XIRP2: variants seen among roughly 807,000 people sequenced by gnomAD.
XIRP2 encodes the protein xin actin binding repeat containing 2.
In XIRP2, 236 loss-of-function variants were observed where a neutral mutation model predicts 277.0. The observed-to-expected ratio is 0.85, with a 90% CI of 0.77 to 0.95. The LOEUF (loss-of-function observed/expected upper bound fraction) is 0.95. XIRP2 is among the 40% of genes least tolerant of loss of function. The pLI, the probability that XIRP2 is intolerant of heterozygous loss-of-function variation, is 0.00. For synonymous variants in XIRP2, 1,490 were observed against 1,416.5 expected (o/e 1.05, Z -1.17); for missense variants, 4,640 against 4,157.5 (o/e 1.12, Z -3.19).
intron 2 of XIRP2, among the ~76,000 whole-genome samples, chr2:167,052,958 T>C (rs1379820023): frequency 6.6e-6 from 1 of 152,192 alleles, no homozygotes; most frequent in African/African-American, 2.4e-5. Context: ...CACTTTCTGT[T>C]GGTAATGCCT....
intron 2 of XIRP2, among the ~76,000 whole-genome samples, chr2:167,049,523 T>C (rs935629312): frequency 2.6e-5 from 4 of 151,536 alleles, no homozygotes; most frequent in African/African-American, 9.7e-5. Context: ...AAAAAAAACA[T>C]AATTAAGAAA....
chr2:167,115,343 C>T (rs552728737), intron 2 of XIRP2, among the ~76,000 whole-genome samples: 1 of 152,194 alleles, frequency 6.6e-6, no homozygotes, highest in South Asian at 2.1e-4. Context: ...TATCCATATT[C>T]TGAATTCTAT....
intron 3 of XIRP2, among the ~76,000 whole-genome samples, chr2:167,167,262 AG>A (rs1419794801): frequency 2.6e-5 from 4 of 152,090 alleles, no homozygotes; most frequent in Non-Finnish European, 5.9e-5. Context: ...ACATATAGTC[AG>A]GTCTTATTTT....
In XIRP2 at chr2:167,036,086, G is replaced by T. The variant is rs576595368; in HGVS notation, c.409-99823G>T. On this transcript the variant is annotated intron_variant, in intron 2 of 10. Coordinates refer to ENST00000409195, the MANE Select transcript of XIRP2 (RefSeq NM_152381.6). ...GAAGCACCTGGATGCTCAGGCAAAA[G>T]TTTGCTGCAGAGGCAGCGCCCTCAT... Among the ~76,000 whole-genome samples, 487 of 152,338 alleles carry T rather than the reference G, an allele frequency of 3.2e-3. 4 individuals are homozygous for T. The highest frequency in any genetic ancestry group is 0.011 in the African/African-American group (461 of 41,582).
chr2:167,052,587 C>T (rs1688942457), intron 2 of XIRP2, among the ~76,000 whole-genome samples: 2 of 152,152 alleles, frequency 1.3e-5, no homozygotes, highest in African/African-American at 4.8e-5. Context: ...CATCGATCTA[C>T]ATAACAGTAC....
In XIRP2 at chr2:167,246,041, A is replaced by G. The variant is rs1362098162; in HGVS notation, c.4649A>G (p.Lys1550Arg). The G allele has an allele frequency of 6.2e-7, 1 of 1,613,518 alleles. No homozygotes were observed. The highest frequency in any genetic ancestry group is 2.2e-5 in the East Asian group (1 of 44,836). ...GTAGAAAAGATAGAAATTATTGGCA[A>G]GAGCATTAAAGAAACCTTAGAAGAT... The part of the protein sequence containing the change: ...TRVEKIEIIG[K>R]SIKETLEDLY... The change falls in exon 9 of 11, where the codon AAG (lysine) becomes AGG (arginine). Residue 1550 changes from lysine (K) to arginine (R), a missense_variant. Physicochemically the swap from Lys to Arg is conservative, Grantham distance 26. Transcript: ENST00000409195.
chr2:167,084,284 A>G (rs1380413589), intron 2 of XIRP2, among the ~76,000 whole-genome samples: 1 of 152,196 alleles, frequency 6.6e-6, no homozygotes, highest in Non-Finnish European at 1.5e-5. Flanking sequence ...CATCCTAGGG[A>G]TGAAGCCCAC....
intron 2 of XIRP2, among the ~76,000 whole-genome samples, chr2:167,060,193 AC>A (rs139067097): frequency 0.036 from 5,470 of 152,266 alleles, 187 homozygotes; most frequent in African/African-American, 0.088. Flanking sequence ...CAAAATGATA[AC>A]GGGGGAAAAA....
At chr2:166,910,938 A>C (rs1223578496) in intron 2 of XIRP2, among the ~76,000 whole-genome samples, 3 of 152,166 alleles carry the variant, frequency 2.0e-5, no homozygotes, top group Non-Finnish European at 4.4e-5. Context: ...TGAGTTTCTT[A>C]ATCCTGAGCT....
intron 2 of XIRP2, among the ~76,000 whole-genome samples, chr2:167,086,936 G>C (rs148923534): frequency 0.075 from 11,434 of 152,198 alleles, 500 homozygotes; most frequent in South Asian, 0.17. Flanking sequence ...GCCTTCTTCT[G>C]TCAGCTGGCC....
At chr2:166,955,342 C>T (rs1446259083) in intron 2 of XIRP2, among the ~76,000 whole-genome samples, 1 of 151,678 alleles carries the variant, frequency 6.6e-6, no homozygotes, top group African/African-American at 2.4e-5. Flanking sequence ...ATTCCATTTA[C>T]ATAAAATGTC....
chr2:166,893,408 T>C (rs1320309901), intron 1 of XIRP2, among the ~76,000 whole-genome samples: 3 of 152,150 alleles, frequency 2.0e-5, no homozygotes, highest in Non-Finnish European at 2.9e-5. Flanking sequence ...CATATGCATA[T>C]ATTTTGAAGT....
intron 3 of XIRP2, among the ~76,000 whole-genome samples, chr2:167,155,781 G>C (rs10930263): frequency 0.012 from 1,870 of 151,128 alleles, 34 homozygotes; most frequent in South Asian, 0.061. Flanking sequence ...AAAGGGTATT[G>C]AATTAGGAAA....
chr2:167,160,151 T>C (rs915784331), intron 3 of XIRP2, among the ~76,000 whole-genome samples: 2 of 152,202 alleles, frequency 1.3e-5, no homozygotes, highest in Non-Finnish European at 2.9e-5. Flanking sequence ...AAGAAATAAC[T>C]ATGTGTCTCC....
chr2:166,925,419 T>G (rs1383303649), intron 2 of XIRP2, among the ~76,000 whole-genome samples: 1 of 151,750 alleles, frequency 6.6e-6, no homozygotes, highest in Non-Finnish European at 1.5e-5. Context: ...TGTATTGCTT[T>G]TTAGTTTATA....
At chr2:167,037,756 T>C (rs1262340291) in intron 2 of XIRP2, among the ~76,000 whole-genome samples, 3 of 151,886 alleles carry the variant, frequency 2.0e-5, no homozygotes, top group Non-Finnish European at 4.4e-5. Flanking sequence ...ACATAATAAA[T>C]AATCAGAATA....
intron 1 of XIRP2, among the ~76,000 whole-genome samples, chr2:166,894,492 A>G (rs186000675): frequency 6.6e-6 from 1 of 152,290 alleles, no homozygotes; most frequent in Admixed American, 6.5e-5. Flanking sequence ...CTTCCTTAAA[A>G]TCACCTCAGG....
chr2:166,943,652 A>G (rs556580273), intron 2 of XIRP2, among the ~76,000 whole-genome samples: 2 of 152,352 alleles, frequency 1.3e-5, no homozygotes, highest in African/African-American at 4.8e-5. Context: ...CTCATGTCAC[A>G]CTGACTGGCC....
At chr2:167,222,671 A>G (rs946699392) in intron 5 of XIRP2, among the ~76,000 whole-genome samples, 2 of 152,176 alleles carry the variant, frequency 1.3e-5, no homozygotes, top group African/African-American at 2.4e-5. Context: ...TCACTGTAAC[A>G]GTCTCCATTT....
Sources: gnomAD v4.1 joint callset for allele counts (sites outside exome capture counted in the v4.1 genomes callset) on GRCh38, gnomAD v4.1.1 for gene constraint, MANE v1.5 for transcripts, NCBI Gene and HGNC (gene_info 2026-07-23, HGNC 2026-07-21) for gene names.